Variants in ADAMTS12 observed in about 807,000 individuals in gnomAD.
The protein encoded by ADAMTS12 is ADAM metallopeptidase with thrombospondin type 1 motif 12, also known as A disintegrin and metalloproteinase with thrombospondin motifs 12.
ADAMTS12 carries 118 observed loss-of-function variants against 167.8 expected under a neutral mutation model. The observed-to-expected ratio is 0.70, with a 90% confidence interval of 0.61 to 0.82. ADAMTS12 has a LOEUF of 0.82. Among genes scored for constraint, ADAMTS12 ranks in the 40% least tolerant of loss-of-function variants. The pLI is 0.00. For missense variants in ADAMTS12, 1,916 were observed against 1,998.8 expected (o/e 0.96, Z 0.79); for synonymous variants, 704 against 716.9 (o/e 0.98, Z 0.29).
chr5:33,713,390 T>C (rs1319087329), intron 3 of ADAMTS12, among the ~76,000 whole-genome samples: 4 of 3,570 alleles, frequency 1.1e-3, no homozygotes, highest in Non-Finnish European at 3.1e-3. Context: ...AGTTTTAACT[T>C]CCTCCTTCAT....
Position 33,622,212 on chromosome 5 carries a change from G to A in ADAMTS12, c.2143+2019C>T, listed in dbSNP as rs1022833651. Among the ~76,000 whole-genome samples, 5 of 152,168 alleles carry A rather than the reference G, an allele frequency of 3.3e-5. No homozygotes were observed. The South Asian group carries it at 1.0e-3, about 32-fold the overall frequency. ...TCCCAAGAGACCAGGGCAGAGGAAA[G>A]AACCCAGAATTAGAGTTGGATTTCC... On this transcript the variant is annotated intron_variant, in intron 14 of 23. Transcript: ENST00000504830.
intron 3 of ADAMTS12, among the ~76,000 whole-genome samples, chr5:33,711,848 A>T (rs556468631): frequency 6.6e-6 from 1 of 152,348 alleles, no homozygotes; most frequent in South Asian, 2.1e-4. Flanking sequence ...ATCACTGATC[A>T]CTTAATATTA....
rs185506393 is a variant in ADAMTS12, at chr5:33,884,775, A to G, written c.128-3295T>C. Among the ~76,000 whole-genome samples, 24 of 152,314 alleles carry G rather than the reference A, an allele frequency of 1.6e-4. No individual in the cohort carries two copies. In the East Asian group the frequency reaches 4.1e-3, roughly 26 times the overall value. ...AAATTAATCTTTTCTTTCTTCTCAG[A>G]CTTAAGGTCTTGGCAGAAACTGAGA... On this transcript the variant is annotated intron_variant, in intron 1 of 23. Coordinates refer to ENST00000504830, the MANE Select transcript of ADAMTS12 (RefSeq NM_030955.4).
intron 14 of ADAMTS12, among the ~76,000 whole-genome samples, chr5:33,619,362 C>T (rs894781839): frequency 1.3e-5 from 2 of 152,136 alleles, no homozygotes; most frequent in South Asian, 2.1e-4. Context: ...ATCTGGTATT[C>T]GTTTATCTTC....
intron 3 of ADAMTS12, among the ~76,000 whole-genome samples, chr5:33,721,328 T>C (rs1205203617): frequency 2.0e-5 from 3 of 152,214 alleles, no homozygotes; most frequent in Non-Finnish European, 4.4e-5. Context: ...TTACAAACTG[T>C]GCACTTACGA....
chr5:33,561,200 G>C (rs1159834958), intron 19 of ADAMTS12, 21 bp from the exon 20 acceptor site: 3 of 1,609,296 alleles, frequency 1.9e-6, no homozygotes, highest in Admixed American at 3.3e-5. Context: ...GAAGGAGAGA[G>C]ATGACAGAGG....
chr5:33,534,117 C>G (rs1349425158), intron 23 of ADAMTS12, among the ~76,000 whole-genome samples: 1 of 152,222 alleles, frequency 6.6e-6, no homozygotes, highest in Non-Finnish European at 1.5e-5. Context: ...CTTTGTCTCT[C>G]ACGCAGAGAG....
intron 2 of ADAMTS12, among the ~76,000 whole-genome samples, chr5:33,871,617 A>G (rs1238355904): frequency 6.6e-5 from 10 of 152,020 alleles, no homozygotes; most frequent in Non-Finnish European, 1.5e-5. Flanking sequence ...ATTCAATGAG[A>G]AAAAAAACTA....
At chr5:33,539,541 A>G (rs1744582194) in intron 22 of ADAMTS12, among the ~76,000 whole-genome samples, 2 of 152,136 alleles carry the variant, frequency 1.3e-5, no homozygotes, top group Non-Finnish European at 2.9e-5. Context: ...AATAACTTTG[A>G]TATTTGATCT....
At chr5:33,665,429 T>G (rs1433473036) in intron 5 of ADAMTS12, among the ~76,000 whole-genome samples, 1 of 152,206 alleles carries the variant, frequency 6.6e-6, no homozygotes, top group Non-Finnish European at 1.5e-5. Flanking sequence ...AGGTAATGTA[T>G]GCGTTAATTA....
chr5:33,658,004 T>C (rs1343923395), intron 7 of ADAMTS12, among the ~76,000 whole-genome samples, 180 bp downstream of exon 7: 3 of 152,098 alleles, frequency 2.0e-5, no homozygotes, highest in Admixed American at 6.6e-5. Context: ...ATGGAGCCCA[T>C]GAGGTGCATT....
intron 2 of ADAMTS12, among the ~76,000 whole-genome samples, chr5:33,826,366 TTAA>T (rs1184110550): frequency 6.6e-6 from 1 of 152,034 alleles, no homozygotes; most frequent in African/African-American, 2.4e-5. Flanking sequence ...AAAAAAAATG[TTAA>T]TAAAAAATAG....
At chr5:33,827,383 G>A (rs181653322) in intron 2 of ADAMTS12, among the ~76,000 whole-genome samples, 21 of 152,038 alleles carry the variant, frequency 1.4e-4, no homozygotes, top group Admixed American at 7.9e-4. Flanking sequence ...GCTTAGAAAC[G>A]GACTTCTCCC....
At chr5:33,626,262 T>C (rs1579766590) in intron 13 of ADAMTS12, among the ~76,000 whole-genome samples, 2 of 148,016 alleles carry the variant, frequency 1.4e-5, no homozygotes, top group South Asian at 4.4e-4. Context: ...GGCAGGATGG[T>C]GGTAGTGGTG....
intron 16 of ADAMTS12, among the ~76,000 whole-genome samples, chr5:33,597,751 A>G (rs1393114311): frequency 1.3e-5 from 2 of 152,186 alleles, no homozygotes; most frequent in East Asian, 1.9e-4. Flanking sequence ...GGCTTTCCCA[A>G]CTAACAGATG....
Position 33,546,043 on chromosome 5 carries a change from T to C in ADAMTS12, c.4446+16A>G, listed in dbSNP as rs775409884. On this transcript the variant is annotated intron_variant, in intron 22 of 23. Coordinates refer to ENST00000504830, the MANE Select transcript of ADAMTS12 (RefSeq NM_030955.4). ...AAAAAGCTAAAGTAAAAAAAGTATG[T>C]ATAACCAAGTCTTACCAGGTCCCAG... 1.9e-6 allele frequency: 3 copies of C among 1,588,742 alleles called. No individual in the cohort carries two copies. In the South Asian group the frequency reaches 3.5e-5, roughly 19 times the overall value.
At chr5:33,553,985 A>G (rs1031047529) in intron 20 of ADAMTS12, among the ~76,000 whole-genome samples, 8 of 152,202 alleles carry the variant, frequency 5.3e-5, no homozygotes, top group Admixed American at 3.9e-4. Context: ...CAAGCTCTGT[A>G]TCTCTACCCT....
At chr5:33,563,644 A>G (rs1745856280) in intron 19 of ADAMTS12, among the ~76,000 whole-genome samples, 2 of 152,216 alleles carry the variant, frequency 1.3e-5, no homozygotes, top group South Asian at 4.1e-4. Flanking sequence ...TTACACGACC[A>G]CACAGTTTAC....
At chr5:33,837,088 A>G (rs541967225) in intron 2 of ADAMTS12, among the ~76,000 whole-genome samples, 3 of 152,036 alleles carry the variant, frequency 2.0e-5, no homozygotes, top group Admixed American at 6.5e-5. Context: ...ACCCTGGGGG[A>G]CTTAGCACAC....
Sources: gnomAD v4.1 joint callset for allele counts (sites outside exome capture counted in the v4.1 genomes callset) on GRCh38, gnomAD v4.1.1 for gene constraint, MANE v1.5 for transcripts, NCBI Gene and HGNC (gene_info 2026-07-23, HGNC 2026-07-21) for gene names.